ZC3H13: variants seen among roughly 807,000 people sequenced by gnomAD.
The protein encoded by ZC3H13 is zinc finger CCCH-type containing 13, also known as zinc finger CCCH domain-containing protein 13.
Under a neutral mutation model 204.1 loss-of-function variants are expected in ZC3H13, and 64 were observed. That is an observed-to-expected ratio of 0.31 (90% confidence interval 0.26 to 0.39). The LOEUF is 0.39. Among genes scored for constraint, ZC3H13 ranks in the 10% least tolerant of loss-of-function variants. The pLI, the probability that ZC3H13 is intolerant of heterozygous loss-of-function variation, is 1.00. For missense variants in ZC3H13, 1,833 were observed against 2,082.7 expected (o/e 0.88, Z 2.33); for synonymous variants, 667 against 693.7 (o/e 0.96, Z 0.60).
intron 11 of ZC3H13, 25 bp from the exon 12 acceptor site, chr13:45,975,863 A>G: frequency 6.2e-7 from 1 of 1,600,130 alleles, no homozygotes; most frequent in Non-Finnish European, 8.5e-7. Flanking sequence ...AAGTTTTGTC[A>G]GTGATTAATT....
chr13:45,971,474 T>G (rs1952579093), intron 12 of ZC3H13, among the ~76,000 whole-genome samples: 1 of 152,038 alleles, frequency 6.6e-6, no homozygotes, highest in Non-Finnish European at 1.5e-5. Flanking sequence ...TGTAAAAGAA[T>G]GAAACCGGAT....
intron 10 of ZC3H13, 145 bp from the exon 11 acceptor site, chr13:45,980,149 G>C: frequency 1.4e-6 from 1 of 705,886 alleles, no homozygotes; most frequent in Non-Finnish European, 2.1e-6. Flanking sequence ...AGAGTATCAA[G>C]CAATGAATCA....
intron 18 of ZC3H13, among the ~76,000 whole-genome samples, chr13:45,958,587 T>C (rs1951434578): frequency 6.6e-6 from 1 of 151,900 alleles, no homozygotes; most frequent in Non-Finnish European, 1.5e-5. Context: ...AGCTTCGGAT[T>C]AGGAATACTC....
rs1478681953 is a variant in ZC3H13, at chr13:45,980,068, C to A, written c.1721-64G>T. 2.9e-6 allele frequency: 4 copies of A among 1,398,984 alleles called. No homozygotes were observed. The Admixed American group carries it at 1.0e-4, about 35-fold the overall frequency. The allele number at this position is 1,398,984 out of a possible 1,614,324, so 86.7% of individuals were successfully genotyped here. A position where few individuals can be genotyped will look rare whatever the true frequency, so the allele number is the denominator to read the frequency against. On this transcript the variant is annotated intron_variant, in intron 10 of 18. Transcript: ENST00000679008. ...ACTTTATTCAACAAATTTCATCAGT[C>A]ATAATCTTTCCTCCTAAACATCACT... is the stretch of plus-strand genomic sequence containing the variant.
chr13:46,009,022 A>G (rs945629978), intron 7 of ZC3H13, among the ~76,000 whole-genome samples: 2 of 152,204 alleles, frequency 1.3e-5, no homozygotes, highest in Non-Finnish European at 2.9e-5. Flanking sequence ...AATTTAATAA[A>G]GGTTATAAAA....
intron 17 of ZC3H13, chr13:45,962,043 C>T: frequency 2.5e-6 from 1 of 407,746 alleles, no homozygotes; most frequent in Non-Finnish European, 3.3e-6. Flanking sequence ...CATGTTGGTA[C>T]ACTTGAATAG....
At chr13:46,045,115 AAAATGCTAGCGGGAC>A (rs900763461) in intron 2 of ZC3H13, 51 bp from the exon 3 acceptor site, 28 of 1,504,994 alleles carry the variant, frequency 1.9e-5, no homozygotes, top group Non-Finnish European at 2.5e-5. Flanking sequence ...CTGGAAAAAA[AAAATGCTAGCGGGAC>A]AAAATTAAAA....
rs1291369146 is a variant in ZC3H13 at position 45,982,918 on chromosome 13, A to T, written c.1720+2379T>A. Among the ~76,000 whole-genome samples the T allele has an allele frequency of 2.6e-5, 4 of 152,364 alleles. 1 individual carries two copies. The South Asian group carries it at 8.3e-4, about 32-fold the overall frequency. ...TTCTATAATGAATAAAGAAAGAAAT[A>T]ACTCAATTTACGTGTACCTAATAGC... On this transcript the variant is annotated intron_variant, in intron 10 of 18. Coordinates refer to ENST00000679008, the MANE Select transcript of ZC3H13 (RefSeq NM_001330564.2).
At chr13:45,993,313 C>T (rs1250079291) in intron 8 of ZC3H13, among the ~76,000 whole-genome samples, 1 of 152,104 alleles carries the variant, frequency 6.6e-6, no homozygotes, top group African/African-American at 2.4e-5. Flanking sequence ...AGCCCTTGAT[C>T]ACAAAACACA....
intron 11 of ZC3H13, among the ~76,000 whole-genome samples, chr13:45,979,533 T>C (rs1335006258): frequency 6.6e-6 from 1 of 152,112 alleles, no homozygotes; most frequent in Non-Finnish European, 1.5e-5. Context: ...CTACATTCTT[T>C]AAAGGTTTGT....
intron 5 of ZC3H13, among the ~76,000 whole-genome samples, chr13:46,017,038 A>G (rs2041951689): frequency 6.6e-6 from 1 of 152,172 alleles, no homozygotes; most frequent in Non-Finnish European, 1.5e-5. Context: ...CTTAAGATAC[A>G]TAACTCAGAT....
At position 46,006,713 on chromosome 13, in the gene ZC3H13, CAT is replaced by C. The variant is rs71184435; in HGVS notation, c.747-3379_747-3378del. Reference sequence around the variant, plus strand: ...TTCTCAAGTCCCAAGAGTTCTTAGCCATATATATATATGAGATAGTATCTACC... The same window carrying C: ...TTCTCAAGTCCCAAGAGTTCTTAGCCATATATATATGAGATAGTATCTACC... On this transcript the variant is annotated intron_variant, in intron 7 of 18. Coordinates refer to ENST00000679008, the MANE Select transcript of ZC3H13 (RefSeq NM_001330564.2). 5.6e-4 allele frequency among the ~76,000 whole-genome samples: 36 copies of C among 63,830 alleles called. 9 individuals carry two copies. Among genetic ancestry groups the C allele is most frequent in the South Asian group, 1.9e-3 (4 of 2,060 alleles). The allele number at this position is 63,830 out of a possible 152,430, so 41.9% of individuals were successfully genotyped here.
At chr13:45,989,767 C>T (rs2039834768) in intron 8 of ZC3H13, among the ~76,000 whole-genome samples, 1 of 149,028 alleles carries the variant, frequency 6.7e-6, no homozygotes, top group South Asian at 2.1e-4. Context: ...ACCAGAGAAA[C>T]AACACATAAC....
intron 4 of ZC3H13, among the ~76,000 whole-genome samples, chr13:46,022,345 G>A (rs915215470): frequency 1.3e-5 from 2 of 151,852 alleles, no homozygotes; most frequent in Admixed American, 1.3e-4. Context: ...CATTTATTAA[G>A]AAGGTCTAGC....
At chr13:46,024,571 AGGTT>A (rs2042419561) in intron 4 of ZC3H13, among the ~76,000 whole-genome samples, 1 of 151,650 alleles carries the variant, frequency 6.6e-6, no homozygotes, top group Non-Finnish European at 1.5e-5. Flanking sequence ...CTGTATCTAG[AGGTT>A]TCTAGGATTT....
chr13:45,998,908 G>A (rs560820533), intron 8 of ZC3H13, among the ~76,000 whole-genome samples: 1 of 152,234 alleles, frequency 6.6e-6, no homozygotes, highest in South Asian at 2.1e-4. Context: ...TGTAGCTTGT[G>A]ATGCTGTTCG....
At chr13:45,964,142 TG>T (rs1951895261) in intron 16 of ZC3H13, 100 bp from the exon 17 acceptor site, 3 of 1,198,288 alleles carry the variant, frequency 2.5e-6, no homozygotes, top group Non-Finnish European at 3.4e-6. Context: ...ACAGAAAAAA[TG>T]AAAAGTACTT....
At chr13:45,977,786 TTAATA>T (rs1038579435) in intron 11 of ZC3H13, among the ~76,000 whole-genome samples, 7 of 152,142 alleles carry the variant, frequency 4.6e-5, no homozygotes, top group Non-Finnish European at 1.5e-5. Context: ...CCCAACACCC[TTAATA>T]TGTTTTTGAT....
chr13:46,021,325 T>C (rs866307763), intron 4 of ZC3H13, among the ~76,000 whole-genome samples: 1 of 151,968 alleles, frequency 6.6e-6, no homozygotes, highest in African/African-American at 2.4e-5. Flanking sequence ...AAATGTCCTA[T>C]TACATAAGAA....
Sources: gnomAD v4.1 joint callset for allele counts (sites outside exome capture counted in the v4.1 genomes callset) on GRCh38, gnomAD v4.1.1 for gene constraint, MANE v1.5 for transcripts, NCBI Gene and HGNC (gene_info 2026-07-23, HGNC 2026-07-21) for gene names.